CSGALNACT1: variants seen among roughly 807,000 people sequenced by gnomAD.
CSGALNACT1 encodes the protein chondroitin sulfate N-acetylgalactosaminyltransferase 1.
Under a neutral mutation model 51.0 loss-of-function variants are expected in CSGALNACT1, and 52 were observed. That is an observed-to-expected ratio of 1.02 (90% CI 0.82 to 1.29). CSGALNACT1 has a LOEUF of 1.29. Ranked by LOEUF, CSGALNACT1 falls within the 50% of genes most tolerant of loss-of-function variation. The pLI is 0.00. For missense variants in CSGALNACT1, 935 were observed against 679.2 expected (o/e 1.38, Z -4.19); for synonymous variants, 341 against 254.4 (o/e 1.34, Z -3.24).
intron 1 of CSGALNACT1, among the ~76,000 whole-genome samples, chr8:19,657,410 A>G (rs1011149996): frequency 1.2e-4 from 19 of 152,238 alleles, no homozygotes; most frequent in African/African-American, 3.1e-4. Flanking sequence ...TAATGGTTGG[A>G]TATTTTCTAG....
At chr8:19,740,608 T>C (rs1419283726) in intron 1 of CSGALNACT1, among the ~76,000 whole-genome samples, 4 of 152,248 alleles carry the variant, frequency 2.6e-5, no homozygotes, top group Non-Finnish European at 5.9e-5. Context: ...TTAGTAACTG[T>C]TATATAATAT....
chr8:19,616,820 A>G (rs1486189548), intron 1 of CSGALNACT1, among the ~76,000 whole-genome samples: 1 of 152,138 alleles, frequency 6.6e-6, no homozygotes, highest in Non-Finnish European at 1.5e-5. Flanking sequence ...AATCAGCAGA[A>G]CTGTGAGCCA....
intron 1 of CSGALNACT1, among the ~76,000 whole-genome samples, chr8:19,664,654 CACACACACACAT>C (rs1266323057): frequency 2.7e-5 from 4 of 148,058 alleles, no homozygotes; most frequent in Admixed American, 6.7e-5. Context: ...CAAACACACA[CACACACACACAT>C]ACACACATAC....
intron 1 of CSGALNACT1, among the ~76,000 whole-genome samples, chr8:19,678,123 A>C (rs1003075221): frequency 4.6e-5 from 7 of 151,818 alleles, no homozygotes; most frequent in Non-Finnish European, 1.5e-5. Flanking sequence ...AAAAAAAAAA[A>C]TTACCCCACT....
intron 1 of CSGALNACT1, among the ~76,000 whole-genome samples, chr8:19,660,951 C>T (rs1049491475): frequency 1.1e-4 from 17 of 152,274 alleles, no homozygotes; most frequent in Admixed American, 7.8e-4. Context: ...CTTGCTCTGT[C>T]GCCCAGGCTG....
rs1321148398 is a variant in CSGALNACT1, at chr8:19,635,068, T to C, written c.-543-33203A>G. 2.6e-5 allele frequency among the ~76,000 whole-genome samples: 4 copies of C among 152,230 alleles called. 1 individual carries two copies. Among genetic ancestry groups the C allele is most frequent in the Non-Finnish European group, 5.9e-5 (4 of 68,040 alleles). ...AGTACAGCAAATTTCTAAATGATTG[T>C]GTAATTAAGTGGTTATGGTCCTTTG... is the stretch of plus-strand genomic sequence containing the variant. On this transcript the variant is annotated intron_variant, in intron 1 of 9. Transcript: ENST00000332246.
chr8:19,513,942 G>C (rs2078982653), intron 3 of CSGALNACT1, among the ~76,000 whole-genome samples: 1 of 152,146 alleles, frequency 6.6e-6, no homozygotes, highest in Non-Finnish European at 1.5e-5. Flanking sequence ...AAAATGACCT[G>C]AAAATGAGCA....
At chr8:19,407,925 G>GTGTC (rs2054663682) in intron 9 of CSGALNACT1, among the ~76,000 whole-genome samples, 1 of 138,810 alleles carries the variant, frequency 7.2e-6, no homozygotes, top group African/African-American at 2.6e-5. Context: ...GTGTGTGTGT[G>GTGTC]TGTGTGTGTG....
chr8:19,509,207 T>C (rs1376245360), intron 3 of CSGALNACT1, among the ~76,000 whole-genome samples: 2 of 152,194 alleles, frequency 1.3e-5, no homozygotes, highest in Non-Finnish European at 2.9e-5. Context: ...AAAAACTGGT[T>C]ATACTGAAGA....
At chr8:19,581,912 T>C (rs1261727834) in intron 3 of CSGALNACT1, among the ~76,000 whole-genome samples, 1 of 152,230 alleles carries the variant, frequency 6.6e-6, no homozygotes, top group Non-Finnish European at 1.5e-5. Flanking sequence ...AAATTTATTC[T>C]GACTTTCTCA....
At chr8:19,537,458 T>G (rs1360239862) in intron 3 of CSGALNACT1, among the ~76,000 whole-genome samples, 1 of 152,238 alleles carries the variant, frequency 6.6e-6, no homozygotes, top group Admixed American at 6.5e-5. Flanking sequence ...TGCTTCTTTC[T>G]CCTTTCATAA....
chr8:19,605,465 ATTCACTCG>A (rs2051239720), upstream of CSGALNACT1, among the ~76,000 whole-genome samples: 1 of 152,196 alleles, frequency 6.6e-6, no homozygotes, highest in African/African-American at 2.4e-5. Context: ...AAATTCATTC[ATTCACTCG>A]TTCTTGTATC....
intron 3 of CSGALNACT1, among the ~76,000 whole-genome samples, chr8:19,551,623 G>A (rs1352877566): frequency 6.6e-6 from 1 of 152,152 alleles, no homozygotes; most frequent in African/African-American, 2.4e-5. Flanking sequence ...TTCCAAGTCT[G>A]AAGCTTTCCT....
At chr8:19,620,902 G>A (rs868698738) in intron 1 of CSGALNACT1, among the ~76,000 whole-genome samples, 1 of 152,170 alleles carries the variant, frequency 6.6e-6, no homozygotes, top group Non-Finnish European at 1.5e-5. Flanking sequence ...GATCCCTTAA[G>A]TGGGGGCTGT....
At chr8:19,516,622 G>C (rs2079572150) in intron 3 of CSGALNACT1, among the ~76,000 whole-genome samples, 1 of 152,192 alleles carries the variant, frequency 6.6e-6, no homozygotes, top group African/African-American at 2.4e-5. Flanking sequence ...CCCGGTGTGA[G>C]CCTTGCTCTG....
At chr8:19,425,770 C>A (rs1037664396) in intron 6 of CSGALNACT1, among the ~76,000 whole-genome samples, 1 of 152,210 alleles carries the variant, frequency 6.6e-6, no homozygotes, top group African/African-American at 2.4e-5. Context: ...GTTTACATAA[C>A]AGACGACTCA....
At chr8:19,711,809 C>G (rs2062521618) in intron 1 of CSGALNACT1, among the ~76,000 whole-genome samples, 1 of 152,164 alleles carries the variant, frequency 6.6e-6, no homozygotes, top group African/African-American at 2.4e-5. Context: ...GTCCCATACT[C>G]TTCAAAACTA....
At chr8:19,438,884 C>G (rs2153747166) in intron 6 of CSGALNACT1, among the ~76,000 whole-genome samples, 1 of 152,346 alleles carries the variant, frequency 6.6e-6, no homozygotes, top group South Asian at 2.1e-4. Context: ...AAAGTACACT[C>G]AGTCTTAGAA....
intron 1 of CSGALNACT1, among the ~76,000 whole-genome samples, chr8:19,693,129 C>T (rs1423044199): frequency 6.6e-6 from 1 of 152,142 alleles, no homozygotes; most frequent in Non-Finnish European, 1.5e-5. Context: ...CTGCAAACTA[C>T]CTTTTCCAGG....
Sources: gnomAD v4.1 joint callset for allele counts (sites outside exome capture counted in the v4.1 genomes callset) on GRCh38, gnomAD v4.1.1 for gene constraint, MANE v1.5 for transcripts, NCBI Gene and HGNC (gene_info 2026-07-23, HGNC 2026-07-21) for gene names.